The following PPARD variants were observed in gnomAD, a reference collection of about 807,000 sequenced individuals.
The protein encoded by PPARD is peroxisome proliferator-activated receptor delta.
PPARD carries 6 observed loss-of-function variants against 39.5 expected under a neutral mutation model. The observed-to-expected ratio is 0.15, with a 90% confidence interval of 0.08 to 0.30. PPARD has a LOEUF of 0.30. Ranked by LOEUF, PPARD falls within the 10% of genes least tolerant of loss-of-function variation. PPARD has a pLI of 1.00. For synonymous variants in PPARD, 210 were observed against 231.3 expected (o/e 0.91, Z 0.83); for missense variants, 397 against 596.8 (o/e 0.67, Z 3.49).
At position 35,345,881 on chromosome 6, in the gene PPARD, T is replaced by G. The variant is rs986527984; in HGVS notation, c.-185-1186T>G. 3.4e-4 allele frequency among the ~76,000 whole-genome samples: 49 copies of G among 145,996 alleles called. 1 individual carries two copies. Among genetic ancestry groups the G allele is most frequent in the Admixed American group, 3.2e-3 (47 of 14,690 alleles). ...ACCTGTCACTTTTTTTTCGTTTTTT[T>G]TTTTTTTTTTTTTGAGATGGAGTCT... is the stretch of plus-strand genomic sequence containing the variant. On this transcript the variant is annotated intron_variant, in intron 1 of 7. Transcript: ENST00000360694.
intron 2 of PPARD, chr6:35,349,125 A>G (rs1761070588): frequency 1.4e-6 from 1 of 726,334 alleles, no homozygotes; most frequent in Non-Finnish European, 1.7e-6. Context: ...TCCTGGGTTC[A>G]CACCATTCTC....
At chr6:35,395,533 A>G (rs1764262813) in intron 2 of PPARD, among the ~76,000 whole-genome samples, 1 of 152,174 alleles carries the variant, frequency 6.6e-6, no homozygotes, top group South Asian at 2.1e-4. Flanking sequence ...TGATGAACTA[A>G]GGAAGAGGGT....
chr6:35,393,282 G>A (rs907368987), intron 2 of PPARD, among the ~76,000 whole-genome samples: 2 of 152,322 alleles, frequency 1.3e-5, no homozygotes, highest in Admixed American at 6.5e-5. Flanking sequence ...AGGAAACAGG[G>A]TTTATAGACA....
rs888922508 is a variant in PPARD, at chr6:35,401,018, A to G, written c.-101-9969A>G. ...GTGCCAAGCGCCACGTCTGCTCCCC[A>G]GATACCTGTGTTTGTATGTGTGTGT... On this transcript the variant is annotated intron_variant, in intron 2 of 7. Coordinates refer to ENST00000360694, the MANE Select transcript of PPARD (RefSeq NM_006238.5). This position sits in a 1 kb window ranked among gnomAD's most constrained non-coding sequence, Gnocchi z 4.1. Among the ~76,000 whole-genome samples the G allele has an allele frequency of 1.2e-4, 18 of 152,140 alleles. No individual in the cohort carries two copies. Among genetic ancestry groups the G allele is most frequent in the African/African-American group, 4.3e-4 (18 of 41,436 alleles).
In PPARD at chr6:35,401,087, C is replaced by T. The variant is rs755370012; in HGVS notation, c.-101-9900C>T. On this transcript the variant is annotated intron_variant, in intron 2 of 7. Coordinates refer to ENST00000360694, the MANE Select transcript of PPARD (RefSeq NM_006238.5). The surrounding 1 kb of genome is among the most constrained non-coding windows in gnomAD (Gnocchi z 4.1). ...AGACCAGGACCTCTGGGAGGCTGAA[C>T]CCTGGGAGGGCAGAGCAGGAACAGG... Among the ~76,000 whole-genome samples, 3 of 152,144 alleles carry T rather than the reference C, an allele frequency of 2.0e-5. No individual in the cohort carries two copies. Among genetic ancestry groups the T allele is most frequent in the Non-Finnish European group, 2.9e-5 (2 of 68,034 alleles).
At chr6:35,375,851 C>A (rs1045032687) in intron 2 of PPARD, among the ~76,000 whole-genome samples, 2 of 152,198 alleles carry the variant, frequency 1.3e-5, no homozygotes, top group Admixed American at 1.3e-4. Flanking sequence ...CCTTACCTGG[C>A]CTTTATTTCT....
At chr6:35,359,905 A>G (rs1761838927) in intron 2 of PPARD, among the ~76,000 whole-genome samples, 1 of 152,200 alleles carries the variant, frequency 6.6e-6, no homozygotes, top group Admixed American at 6.5e-5. Flanking sequence ...AACCCAAGTG[A>G]TTAAAGCCCA....
intron 5 of PPARD, among the ~76,000 whole-genome samples, chr6:35,422,170 C>T (rs1407173524): frequency 6.6e-6 from 1 of 152,166 alleles, no homozygotes; most frequent in African/African-American, 2.4e-5. Flanking sequence ...CCAGCATCTA[C>T]CATGGGTCCC....
At position 35,377,874 on chromosome 6, in the gene PPARD, T is replaced by TTTTTTTTTTTTTTTTTTC. The variant is rs1445981698; in HGVS notation, c.-102+30732_-102+30733insTTTTTTTTTCTTTTTTTT. Among the ~76,000 whole-genome samples, 77 of 142,202 alleles carry TTTTTTTTTTTTTTTTTTC rather than the reference T, an allele frequency of 5.4e-4. 4 individuals are homozygous for TTTTTTTTTTTTTTTTTTC. Among genetic ancestry groups the TTTTTTTTTTTTTTTTTTC allele is most frequent in the African/African-American group, 2.2e-3 (74 of 33,098 alleles). The allele number at this position is 142,202 out of a possible 152,430, so 93.3% of individuals were successfully genotyped here. A position where few individuals can be genotyped will look rare whatever the true frequency, so the allele number is the denominator to read the frequency against. On this transcript the variant is annotated intron_variant, in intron 2 of 7. Transcript: ENST00000360694. ...GGGTCGCTGCTTGTTTACGTATCTT[T>TTTTTTTTTTTTTTTTTTC]TTTTTTTTGAGACAGAGTGTTGCTC...
At position 35,375,630 on chromosome 6, in the gene PPARD, G is replaced by C. The variant is rs576564571; in HGVS notation, c.-102+28480G>C. The stretch of plus-strand genomic sequence containing the variant: ...AGTGGTGTGATCACAGCTCACTGTA[G>C]CTTTGACCTCCTGGGCTCAAGCAAT... On this transcript the variant is annotated intron_variant, in intron 2 of 7. Transcript: ENST00000360694. Among the ~76,000 whole-genome samples the C allele has an allele frequency of 1.7e-3, 255 of 152,204 alleles. 1 individual carries two copies. The highest frequency in any genetic ancestry group is 3.3e-3 in the South Asian group (16 of 4,822).
At position 35,392,928 on chromosome 6, in the gene PPARD, A is replaced by G. The variant is rs1286408955; in HGVS notation, c.-101-18059A>G. Among the ~76,000 whole-genome samples, 4 of 152,176 alleles carry G rather than the reference A, an allele frequency of 2.6e-5. No homozygotes were observed. The East Asian group carries it at 7.7e-4, about 29-fold the overall frequency. Reference sequence around the variant, plus strand: ...TTCCCCAGAGCAGTTGTTTTGGGAAAAACTGGCTCCGGCTGAAGCAGGAAA... The same window carrying G: ...TTCCCCAGAGCAGTTGTTTTGGGAAGAACTGGCTCCGGCTGAAGCAGGAAA... On this transcript the variant is annotated intron_variant, in intron 2 of 7. Transcript: ENST00000360694.
At chr6:35,410,295 T>A (rs1052054992) in intron 2 of PPARD, among the ~76,000 whole-genome samples, 5 of 152,212 alleles carry the variant, frequency 3.3e-5, no homozygotes, top group African/African-American at 4.8e-5. Context: ...CATTTGTGGA[T>A]AATGTTTTAC....
chr6:35,357,785 C>T (rs1425338189), intron 2 of PPARD, among the ~76,000 whole-genome samples: 1 of 138,078 alleles, frequency 7.2e-6, no homozygotes, highest in African/African-American at 3.5e-5. Context: ...GATCCACTTG[C>T]CTCGGCCTCC....
intron 2 of PPARD, among the ~76,000 whole-genome samples, chr6:35,394,198 T>C (rs1381288424): frequency 6.6e-6 from 1 of 152,196 alleles, no homozygotes; most frequent in East Asian, 1.9e-4. Context: ...TCTGCATCAG[T>C]GTCTTAAACA....
intron 2 of PPARD, among the ~76,000 whole-genome samples, chr6:35,408,493 G>A (rs1401927941): frequency 1.3e-5 from 2 of 152,186 alleles, no homozygotes; most frequent in Non-Finnish European, 2.9e-5. Flanking sequence ...TCTGGGTCTG[G>A]TGCTTCTCAA....
At chr6:35,384,071 CGTCCGGG>C (rs1763375646) in intron 2 of PPARD, among the ~76,000 whole-genome samples, 3 of 146,730 alleles carry the variant, frequency 2.0e-5, no homozygotes, top group Non-Finnish European at 1.5e-5. Flanking sequence ...CCAGCCGCCC[CGTCCGGG>C]AGGGAGGTCG....
chr6:35,372,529 A>G (rs1400402845), intron 2 of PPARD, among the ~76,000 whole-genome samples: 3 of 152,174 alleles, frequency 2.0e-5, no homozygotes, highest in Non-Finnish European at 2.9e-5. Context: ...AAATCGCTCA[A>G]CCTATACTTG....
rs558564602 is a variant in PPARD at position 35,413,391 on chromosome 6, T to C, written c.130+2174T>C. ...GGAGATAGACTTCCTTGTTCAGTCA[T>C]TGAAACAGGAGAGAGGGTTACTTGA... On this transcript the variant is annotated intron_variant, in intron 3 of 7. Transcript: ENST00000360694. Among the ~76,000 whole-genome samples, 5 of 152,300 alleles carry C rather than the reference T, an allele frequency of 3.3e-5. No individual in the cohort carries two copies. In the East Asian group the frequency reaches 9.7e-4, roughly 29 times the overall value.
intron 3 of PPARD, among the ~76,000 whole-genome samples, chr6:35,411,418 C>T (rs1489607163): frequency 2.0e-5 from 3 of 152,234 alleles, no homozygotes; most frequent in East Asian, 3.9e-4. Flanking sequence ...GAGCAAGCTG[C>T]ACCACTTCCT....
Sources: allele counts gnomAD v4.1 joint callset (sites outside exome capture counted in the v4.1 genomes callset), GRCh38; gene constraint gnomAD v4.1.1; non-coding constraint Gnocchi (gnomAD v3.1); transcripts MANE v1.5; gene names NCBI Gene and HGNC (gene_info 2026-07-23, HGNC 2026-07-21).